Variants in PDZD2 observed in about 807,000 individuals in gnomAD.
PDZD2 encodes the protein PDZ domain-containing protein 2.
PDZD2 carries 90 observed loss-of-function variants against 220.7 expected under a neutral mutation model. That is an observed-to-expected ratio of 0.41 (90% confidence interval 0.34 to 0.49). The LOEUF (loss-of-function observed/expected upper bound fraction) is 0.49, where lower values mean the gene tolerates loss of function less well. Among genes scored for constraint, PDZD2 ranks in the 20% least tolerant of loss-of-function variants. The pLI, the probability that PDZD2 is intolerant of heterozygous loss-of-function variation, is 0.28. For missense variants in PDZD2, 3,174 were observed against 3,608.5 expected (o/e 0.88, Z 3.08); for synonymous variants, 1,375 against 1,450.5 (o/e 0.95, Z 1.18).
rs1408423321 is a variant in PDZD2, at chr5:32,096,363, C to T, written c.7846-916C>T. Among the ~76,000 whole-genome samples, 3 of 152,098 alleles carry T rather than the reference C, an allele frequency of 2.0e-5. No individual in the cohort carries two copies. The East Asian group carries it at 5.8e-4, about 29-fold the overall frequency. On this transcript the variant is annotated intron_variant, in intron 21 of 24. Coordinates refer to ENST00000438447, the MANE Select transcript of PDZD2 (RefSeq NM_178140.4). The stretch of plus-strand genomic sequence containing the variant: ...ACAGAGCCTCACTCCATCACCCAGG[C>T]TGGAGTGCAACTGGCATGATCTCCA...
At chr5:31,963,388 TGGAG>T (rs1418743098) in intron 2 of PDZD2, among the ~76,000 whole-genome samples, 2 of 152,102 alleles carry the variant, frequency 1.3e-5, no homozygotes, top group Admixed American at 6.6e-5. Flanking sequence ...TTGTGACAAA[TGGAG>T]GGAAGATAAG....
chr5:31,874,886 A>G (rs1162119380), intron 2 of PDZD2, among the ~76,000 whole-genome samples: 3 of 152,158 alleles, frequency 2.0e-5, no homozygotes, highest in African/African-American at 7.2e-5. Flanking sequence ...AACAACAACA[A>G]CAACAAAATT....
chr5:31,794,593 T>A (rs1469118192), intron 1 of PDZD2, among the ~76,000 whole-genome samples: 1 of 151,850 alleles, frequency 6.6e-6, no homozygotes, highest in African/African-American at 2.4e-5. Flanking sequence ...TTAGTAGAGA[T>A]CAGGGGTTTC....
chr5:31,881,097 G>A (rs1260168546), intron 2 of PDZD2, among the ~76,000 whole-genome samples: 1 of 151,930 alleles, frequency 6.6e-6, no homozygotes, highest in Non-Finnish European at 1.5e-5. Context: ...ACCACGCCTG[G>A]CTGAAAGGTA....
At chr5:31,823,079 G>C (rs1299631694) in intron 2 of PDZD2, 1 of 894,744 alleles carries the variant, frequency 1.1e-6, no homozygotes, top group Non-Finnish European at 1.6e-6. Context: ...CATCCCTTTA[G>C]AGTAATATTG....
At chr5:31,856,975 A>G (rs185923396) in intron 2 of PDZD2, among the ~76,000 whole-genome samples, 1 of 151,918 alleles carries the variant, frequency 6.6e-6, no homozygotes, top group East Asian at 1.9e-4. Flanking sequence ...GCTTATAACT[A>G]GGGACAGTAC....
At chr5:31,953,277 C>T (rs1200875288) in intron 2 of PDZD2, among the ~76,000 whole-genome samples, 1 of 151,998 alleles carries the variant, frequency 6.6e-6, no homozygotes, top group Non-Finnish European at 1.5e-5. Context: ...GAAAGACAGT[C>T]TGTTTAGTAA....
In PDZD2 at chr5:31,646,391, G is replaced by A. The variant is rs72753566; in HGVS notation, c.-361+6954G>A. ...GTCTTCAGGAACCTGACCCCTCCAC[G>A]TCATGAACACTAAGTAGCTCCTGAC... On this transcript the variant is annotated intron_variant, in intron 1 of 24. Transcript: ENST00000438447. The surrounding 1 kb of genome is among the most constrained non-coding windows in gnomAD (Gnocchi z 4.7). Among the ~76,000 whole-genome samples the A allele has an allele frequency of 5.3e-5, 8 of 152,188 alleles. No individual in the cohort carries two copies. Among genetic ancestry groups the A allele is most frequent in the Non-Finnish European group, 7.4e-5 (5 of 68,020 alleles).
chr5:32,082,955 AGT>A (rs778687796), intron 19 of PDZD2, among the ~76,000 whole-genome samples: 1 of 152,198 alleles, frequency 6.6e-6, no homozygotes, highest in Non-Finnish European at 1.5e-5. Context: ...AAACTGAAGC[AGT>A]GTGGGGAATC....
rs1272631846 is a variant in PDZD2 at position 32,110,488 on chromosome 5, C to CTAAT, written c.*2356_*2359dup. Reference sequence around the variant, plus strand: ...AGTGTTCAAGGCATGACTAGTATTTCTAATTAGCCTAATAAATTCCCACAC... The same window carrying CTAAT: ...AGTGTTCAAGGCATGACTAGTATTTCTAATTAATTAGCCTAATAAATTCCCACAC... On this transcript the variant is annotated 3_prime_UTR_variant, in exon 25 of 25. Transcript: ENST00000438447. 1 of 152,632 alleles carries CTAAT rather than the reference C, an allele frequency of 6.6e-6. No homozygotes were observed. The highest frequency in any genetic ancestry group is 1.9e-4 in the East Asian group (1 of 5,204). The allele number at this position is 152,632 out of a possible 1,614,324, so 9.5% of individuals were successfully genotyped here. A position where few individuals can be genotyped will look rare whatever the true frequency, so the allele number is the denominator to read the frequency against.
intron 1 of PDZD2, among the ~76,000 whole-genome samples, chr5:31,689,354 T>TATATATA (rs1554063278): frequency 1.1e-4 from 3 of 27,224 alleles, no homozygotes; most frequent in African/African-American, 5.2e-4. Flanking sequence ...TATATATATA[T>TATATATA]TTTTTTTTTT....
intron 1 of PDZD2, among the ~76,000 whole-genome samples, chr5:31,794,383 T>C (rs1305378215): frequency 7.0e-6 from 1 of 143,864 alleles, no homozygotes; most frequent in African/African-American, 2.6e-5. Context: ...CATAGTTGGT[T>C]TCTTTCTTTC....
At chr5:31,917,568 T>C (rs868322858) in intron 2 of PDZD2, among the ~76,000 whole-genome samples, 2 of 152,136 alleles carry the variant, frequency 1.3e-5, no homozygotes, top group East Asian at 3.9e-4. Flanking sequence ...GAAGGATGTA[T>C]AGAAATAAAG....
intron 2 of PDZD2, among the ~76,000 whole-genome samples, chr5:31,913,566 T>A (rs904968009): frequency 1.3e-5 from 2 of 152,192 alleles, no homozygotes; most frequent in Non-Finnish European, 2.9e-5. Context: ...TGTTAACTTC[T>A]GGGCATTTCT....
At chr5:31,790,854 G>A (rs958755036) in intron 1 of PDZD2, among the ~76,000 whole-genome samples, 18 of 151,490 alleles carry the variant, frequency 1.2e-4, no homozygotes, top group Non-Finnish European at 1.9e-4. Flanking sequence ...ACCCACCACC[G>A]CACCCAGCTA....
intron 2 of PDZD2, among the ~76,000 whole-genome samples, chr5:31,897,115 G>A (rs1359367866): frequency 2.6e-5 from 4 of 151,094 alleles, no homozygotes; most frequent in African/African-American, 9.7e-5. Context: ...TACATCACTC[G>A]TGAAAAATAA....
chr5:31,994,326 T>A (rs72759652), intron 3 of PDZD2, among the ~76,000 whole-genome samples: 18,681 of 151,632 alleles, frequency 0.12, 1,276 homozygotes, highest in South Asian at 0.19. Context: ...GTTTTTTTTT[T>A]AAAGATTTTT....
At chr5:31,922,195 G>T (rs773593879) in intron 2 of PDZD2, among the ~76,000 whole-genome samples, 1 of 152,198 alleles carries the variant, frequency 6.6e-6, no homozygotes, top group Admixed American at 6.5e-5. Context: ...GTTTCGGAAA[G>T]CTGTGGTTTT....
Position 32,098,754 on chromosome 5 carries a change from C to A in PDZD2, c.8218+120C>A. On this transcript the variant is annotated intron_variant, in intron 23 of 24. Coordinates refer to ENST00000438447, the MANE Select transcript of PDZD2 (RefSeq NM_178140.4). This position sits in a 1 kb window ranked among gnomAD's most constrained non-coding sequence, Gnocchi z 4.1. ...TCTAGATCTGAAAAATTAAATGTAG[C>A]GAAGTCTAGTGTGTTTGGATGCTGC... 1 of 929,620 alleles carries A rather than the reference C, an allele frequency of 1.1e-6. No homozygotes were observed. The allele number at this position is 929,620 out of a possible 1,614,324, so 57.6% of individuals were successfully genotyped here.
Sources: allele counts gnomAD v4.1 joint callset (sites outside exome capture counted in the v4.1 genomes callset), GRCh38; gene constraint gnomAD v4.1.1; non-coding constraint Gnocchi (gnomAD v3.1); transcripts MANE v1.5; gene names NCBI Gene and HGNC (gene_info 2026-07-23, HGNC 2026-07-21).